The following WDPCP variants were observed in gnomAD, a reference collection of about 807,000 sequenced individuals.
The protein encoded by WDPCP is WD repeat containing planar cell polarity effector, also known as WD repeat-containing and planar cell polarity effector protein fritz homolog.
In WDPCP, 71 loss-of-function variants were observed where a neutral mutation model predicts 93.1. The observed-to-expected ratio is 0.76, with a 90% CI of 0.63 to 0.93. The LOEUF (loss-of-function observed/expected upper bound fraction) is 0.93. WDPCP is among the 40% of genes least tolerant of loss of function. The pLI, the probability that WDPCP is intolerant of heterozygous loss-of-function variation, is 0.00. For synonymous variants in WDPCP, 315 were observed against 315.0 expected (o/e 1.00, Z 0.00); for missense variants, 844 against 887.4 (o/e 0.95, Z 0.62).
chr2:63,833,725 A>G, the WDPCP span, among the ~76,000 whole-genome samples: 309 of 152,342 alleles, frequency 2.0e-3, 1 homozygote, highest in African/African-American at 6.7e-3. Context: ...GGGTTGAGAA[A>G]AAGTCATTTA....
At chr2:63,542,618 T>A (rs1437282320) in intron 1 of WDPCP, among the ~76,000 whole-genome samples, 1 of 152,248 alleles carries the variant, frequency 6.6e-6, no homozygotes, top group East Asian at 1.9e-4. Flanking sequence ...TAAAACTGGC[T>A]TGCATTACTC....
At position 63,232,450 on chromosome 2, in the gene WDPCP, TTTG is replaced by T. The variant is rs1320793681; in HGVS notation, c.1915+26854_1915+26856del. On this transcript the variant is annotated intron_variant, in intron 14 of 17. Transcript: ENST00000272321. ...TTTCCTTCTAAGTTTAGACACAGAT[TTTG>T]TTGCTGATACCTTGGCCAACAGCTG... is the stretch of plus-strand genomic sequence containing the variant. 3.9e-5 allele frequency: 6 copies of T among 152,360 alleles called. No homozygotes were observed. In the East Asian group the frequency reaches 1.2e-3, roughly 29 times the overall value. The allele number at this position is 152,360 out of a possible 1,614,324, so 9.4% of individuals were successfully genotyped here.
rs549929827 is a variant in WDPCP, at chr2:63,452,666, G to A, written c.385-12795C>T. Among the ~76,000 whole-genome samples the A allele has an allele frequency of 7.9e-5, 12 of 152,274 alleles. No individual in the cohort carries two copies. In the East Asian group the frequency reaches 2.1e-3, roughly 27 times the overall value. ...CCTAAACCAAAAGAATAAAGCTGGA[G>A]GCATCACGCTACCTGACTTCAAACT... is the stretch of plus-strand genomic sequence containing the variant. On this transcript the variant is annotated intron_variant, in intron 6 of 17. Coordinates refer to ENST00000272321, the MANE Select transcript of WDPCP (RefSeq NM_015910.7).
chr2:63,529,407 C>G (rs1703636449), intron 1 of WDPCP, among the ~76,000 whole-genome samples: 1 of 152,112 alleles, frequency 6.6e-6, no homozygotes, highest in African/African-American at 2.4e-5. Context: ...CTAGTTTATT[C>G]AGAGTTTTTA....
chr2:63,388,933 T>A (rs1302013034), intron 10 of WDPCP, among the ~76,000 whole-genome samples: 1 of 152,162 alleles, frequency 6.6e-6, no homozygotes, highest in Non-Finnish European at 1.5e-5. Context: ...TAGGTGTACC[T>A]AAAAGTGATG....
At chr2:63,455,435 T>C (rs551462586) in intron 6 of WDPCP, among the ~76,000 whole-genome samples, 2,912 of 146,424 alleles carry the variant, frequency 0.02, 113 homozygotes, top group African/African-American at 0.069. Context: ...TATATATATA[T>C]ATATACACAC....
At chr2:63,499,486 T>C (rs577770178) in intron 1 of WDPCP, among the ~76,000 whole-genome samples, 34 of 152,254 alleles carry the variant, frequency 2.2e-4, no homozygotes, top group African/African-American at 7.5e-4. Flanking sequence ...AGAATTATTG[T>C]TGGAAGATTA....
intron 2 of WDPCP, among the ~76,000 whole-genome samples, chr2:63,700,304 CAAAAAG>C (rs1669028535): frequency 1.8e-5 from 2 of 110,974 alleles, no homozygotes; most frequent in East Asian, 4.8e-4. Context: ...AAAAAAAAAA[CAAAAAG>C]AAAAAAAGAA....
At chr2:63,832,974 C>T in the WDPCP span, among the ~76,000 whole-genome samples, 3 of 152,134 alleles carry the variant, frequency 2.0e-5, no homozygotes, top group Non-Finnish European at 4.4e-5. Context: ...TAACTCAGGC[C>T]GGGCACAGTG....
intron 12 of WDPCP, among the ~76,000 whole-genome samples, chr2:63,318,656 T>C (rs1432642586): frequency 6.6e-6 from 1 of 152,084 alleles, no homozygotes; most frequent in Non-Finnish European, 1.5e-5. Context: ...AGAGAATTAA[T>C]ACAGGACCAA....
At chr2:63,684,210 C>A in intron 2 of WDPCP, 1 of 376,878 alleles carries the variant, frequency 2.7e-6, no homozygotes, top group Non-Finnish European at 5.0e-6. Context: ...AAGGATAGGC[C>A]ATATGTTAGG....
chr2:63,196,417 T>G (rs1675439440), intron 14 of WDPCP, among the ~76,000 whole-genome samples: 1 of 152,170 alleles, frequency 6.6e-6, no homozygotes, highest in African/African-American at 2.4e-5. Flanking sequence ...CAAAATACCC[T>G]TTTATCTTGT....
chr2:63,530,724 G>C (rs1339072084), intron 1 of WDPCP, among the ~76,000 whole-genome samples: 1 of 152,162 alleles, frequency 6.6e-6, no homozygotes. Context: ...GTCAGCTCAG[G>C]TTCCAAGATG....
chr2:63,324,660 G>C (rs1220202110), intron 12 of WDPCP, among the ~76,000 whole-genome samples: 1 of 152,218 alleles, frequency 6.6e-6, no homozygotes, highest in African/African-American at 2.4e-5. Flanking sequence ...CAGCCCAAGA[G>C]TTTGGAGATA....
At chr2:63,618,801 C>T (rs1709701389) in intron 3 of WDPCP, among the ~76,000 whole-genome samples, 1 of 151,996 alleles carries the variant, frequency 6.6e-6, no homozygotes, top group Non-Finnish European at 1.5e-5. Context: ...AGCAATTCTC[C>T]TGCCTCAGCT....
chr2:63,690,972 T>G lies in WDPCP; in HGVS notation n.309-40134A>C, dbSNP rs746870032. The stretch of plus-strand genomic sequence containing the variant: ...AAAAAAAAACCACATAATTCAAGAA[T>G]AGTTGGGTAGGGAAATGTAATGCAA... On this transcript the variant is annotated intron_variant and non_coding_transcript_variant, in intron 2 of 4. Transcript: ENST00000467687. Among the ~76,000 whole-genome samples the G allele has an allele frequency of 1.3e-5, 2 of 152,090 alleles. 1 individual carries two copies. The highest frequency in any genetic ancestry group is 4.1e-4 in the South Asian group (2 of 4,824).
At chr2:63,546,730 A>G (rs1705178889) in intron 1 of WDPCP, among the ~76,000 whole-genome samples, 1 of 152,190 alleles carries the variant, frequency 6.6e-6, no homozygotes, top group African/African-American at 2.4e-5. Flanking sequence ...TTAATTTTTC[A>G]AATTTAAAAA....
intron 2 of WDPCP, among the ~76,000 whole-genome samples, chr2:63,670,380 A>G (rs1710331346): frequency 1.3e-5 from 2 of 152,056 alleles, no homozygotes; most frequent in African/African-American, 2.4e-5. Flanking sequence ...TGGAGAATCT[A>G]TATGAATCTT....
intron 2 of WDPCP, among the ~76,000 whole-genome samples, chr2:63,708,990 G>T (rs1031513981): frequency 1.3e-5 from 2 of 150,034 alleles, no homozygotes; most frequent in Non-Finnish European, 3.0e-5. Context: ...GGAGGCCGAG[G>T]GGGGTGGATC....
Sources: gnomAD v4.1 joint callset for allele counts (sites outside exome capture counted in the v4.1 genomes callset) on GRCh38, gnomAD v4.1.1 for gene constraint, MANE v1.5 for transcripts, NCBI Gene and HGNC (gene_info 2026-07-23, HGNC 2026-07-21) for gene names.